The following AFG2A variants were observed in gnomAD, a reference collection of about 807,000 sequenced individuals.
AFG2A encodes the protein AAA ATPase AFG2A.
At chr4:123,290,501 A>G in the AFG2A span, among the ~76,000 whole-genome samples, 2 of 152,096 alleles carry the variant, frequency 1.3e-5, no homozygotes, top group African/African-American at 4.8e-5. Context: ...TTGGCTATAG[A>G]TATGTATTAG....
the AFG2A span, chr4:122,934,172 G>A: frequency 6.2e-6 from 10 of 1,614,004 alleles, no homozygotes; most frequent in African/African-American, 5.3e-5. Flanking sequence ...CAAGTATTGC[G>A]AGTGAAAGGG....
At chr4:123,048,433 C>A in the AFG2A span, among the ~76,000 whole-genome samples, 1 of 152,128 alleles carries the variant, frequency 6.6e-6, no homozygotes, top group African/African-American at 2.4e-5. Flanking sequence ...TGAGTTAAAT[C>A]TGTAGATTGC....
At chr4:122,970,097 G>C in the AFG2A span, among the ~76,000 whole-genome samples, 1 of 152,118 alleles carries the variant, frequency 6.6e-6, no homozygotes, top group African/African-American at 2.4e-5. Context: ...AATGTCCTGG[G>C]CCTTCACATT....
chr4:123,118,272 T>C, the AFG2A span, among the ~76,000 whole-genome samples: 2 of 141,442 alleles, frequency 1.4e-5, no homozygotes, highest in South Asian at 2.5e-4. Flanking sequence ...TATGCAAATA[T>C]ATATGCAAAT....
At chr4:123,000,193 G>A in the AFG2A span, among the ~76,000 whole-genome samples, 1 of 150,314 alleles carries the variant, frequency 6.7e-6, no homozygotes, top group African/African-American at 2.5e-5. Flanking sequence ...ATCAGCTTAA[G>A]GAAGTTTTGG....
the AFG2A span, among the ~76,000 whole-genome samples, chr4:123,106,147 C>T: frequency 1.3e-5 from 2 of 152,090 alleles, no homozygotes; most frequent in Admixed American, 1.3e-4. Context: ...AACATCAAGG[C>T]AAGACTTTCC....
At chr4:123,007,550 ATGTGTGTGTGTGTGTATATGTGTG>A in the AFG2A span, among the ~76,000 whole-genome samples, 5 of 89,700 alleles carry the variant, frequency 5.6e-5, no homozygotes, top group African/African-American at 1.5e-4. Flanking sequence ...ATGTGTATGT[ATGTGTGTGTGTGTGTATATGTGTG>A]TGTGTGTGTG....
At chr4:123,239,500 C>A in the AFG2A span, among the ~76,000 whole-genome samples, 3 of 152,150 alleles carry the variant, frequency 2.0e-5, no homozygotes, top group African/African-American at 7.2e-5. Flanking sequence ...AGAAATCATA[C>A]AAGCCAGAAG....
chr4:123,171,958 T>C, the AFG2A span, among the ~76,000 whole-genome samples: 1 of 152,188 alleles, frequency 6.6e-6, no homozygotes, highest in Non-Finnish European at 1.5e-5. Flanking sequence ...CTATTTAATA[T>C]AATAATACTT....
At chr4:123,175,665 C>T in the AFG2A span, among the ~76,000 whole-genome samples, 2 of 152,146 alleles carry the variant, frequency 1.3e-5, no homozygotes, top group Non-Finnish European at 2.9e-5. Context: ...AAACACATTT[C>T]AGCTTGATAA....
chr4:123,201,225 G>A, the AFG2A span, among the ~76,000 whole-genome samples: 4 of 152,064 alleles, frequency 2.6e-5, no homozygotes, highest in African/African-American at 9.7e-5. Flanking sequence ...AAATTTCCAG[G>A]AATTATTCTA....
chr4:122,932,796 T>C, the AFG2A span, among the ~76,000 whole-genome samples: 1 of 152,232 alleles, frequency 6.6e-6, no homozygotes, highest in Non-Finnish European at 1.5e-5. Context: ...TTGTAACCAT[T>C]ACTCCTCTTT....
chr4:123,130,947 T>C, the AFG2A span, among the ~76,000 whole-genome samples: 5 of 152,000 alleles, frequency 3.3e-5, no homozygotes, highest in Non-Finnish European at 7.4e-5. Context: ...TTTCTTTAGT[T>C]TTAATCATTC....
chr4:122,998,953 C>T, the AFG2A span, among the ~76,000 whole-genome samples: 1 of 152,044 alleles, frequency 6.6e-6, no homozygotes, highest in Non-Finnish European at 1.5e-5. Context: ...TCCTATTTCT[C>T]CACATCCTCT....
the AFG2A span, among the ~76,000 whole-genome samples, chr4:123,214,631 A>G: frequency 4.1e-3 from 619 of 152,166 alleles, 2 homozygotes; most frequent in African/African-American, 0.014. Context: ...TGTATATACT[A>G]GTCTATTTTA....
At chr4:123,156,871 T>C in the AFG2A span, among the ~76,000 whole-genome samples, 1 of 151,744 alleles carries the variant, frequency 6.6e-6, no homozygotes, top group Non-Finnish European at 1.5e-5. Context: ...GCCAAGTACA[T>C]ATGAAAGGAG....
the AFG2A span, among the ~76,000 whole-genome samples, chr4:123,043,520 C>T: frequency 6.6e-6 from 1 of 151,992 alleles, no homozygotes. Flanking sequence ...AACTTTATTT[C>T]TCAACATAAG....
chr4:123,202,356 A>G, the AFG2A span, among the ~76,000 whole-genome samples: 1 of 152,172 alleles, frequency 6.6e-6, no homozygotes, highest in African/African-American at 2.4e-5. Flanking sequence ...ATGTATATAA[A>G]CATATAAAAC....
At chr4:123,254,328 TC>T in the AFG2A span, among the ~76,000 whole-genome samples, 42 of 151,748 alleles carry the variant, frequency 2.8e-4, no homozygotes, top group South Asian at 6.7e-3. Flanking sequence ...TTCATTTTTT[TC>T]ATATGGATTT....
Sources: gnomAD v4.1 joint callset for allele counts (sites outside exome capture counted in the v4.1 genomes callset) on GRCh38, gnomAD v4.1.1 for gene constraint, MANE v1.5 for transcripts, NCBI Gene and HGNC (gene_info 2026-07-23, HGNC 2026-07-21) for gene names.